Variants in KCNJ3 observed in about 807,000 individuals in gnomAD.
The protein encoded by KCNJ3 is G protein-activated inward rectifier potassium channel 1.
In KCNJ3, 4 loss-of-function variants were observed where a neutral mutation model predicts 39.2. The observed-to-expected ratio is 0.10, with a 90% CI of 0.05 to 0.23. The LOEUF (loss-of-function observed/expected upper bound fraction) is 0.23, where lower values mean the gene tolerates loss of function less well. Ranked by LOEUF, KCNJ3 falls within the 10% of genes least tolerant of loss-of-function variation. The pLI is 1.00. For missense variants in KCNJ3, 276 were observed against 634.9 expected, an observed-to-expected ratio of 0.43 and a Z score of 6.08; for synonymous variants, 230 against 237.4, an observed-to-expected ratio of 0.97 and a Z score of 0.29.
chr2:154,762,010 T>C (rs1041856284), intron 2 of KCNJ3, among the ~76,000 whole-genome samples: 4 of 151,960 alleles, frequency 2.6e-5, no homozygotes, highest in Non-Finnish European at 5.9e-5. Context: ...ATGATGGAAG[T>C]AGAGAATAGA....
intron 2 of KCNJ3, among the ~76,000 whole-genome samples, chr2:154,748,324 G>A (rs189751605): frequency 5.3e-5 from 8 of 152,060 alleles, no homozygotes; most frequent in African/African-American, 1.9e-4. Flanking sequence ...TAGGGATATA[G>A]TGGCCTTTCA....
intron 2 of KCNJ3, among the ~76,000 whole-genome samples, chr2:154,749,588 G>A (rs2349437): frequency 0.41 from 61,674 of 151,772 alleles, 13,863 homozygotes; most frequent in Non-Finnish European, 0.49. Context: ...TGCATTTTGC[G>A]CTTTCCTTTA....
At chr2:154,846,781 T>C (rs202138845) in intron 2 of KCNJ3, among the ~76,000 whole-genome samples, 7 of 96,732 alleles carry the variant, frequency 7.2e-5, no homozygotes, top group African/African-American at 1.3e-4. Context: ...TAAAAATCTA[T>C]TATTTCTTCT....
At chr2:154,813,350 G>T (rs1195933307) in intron 2 of KCNJ3, among the ~76,000 whole-genome samples, 1 of 151,954 alleles carries the variant, frequency 6.6e-6, no homozygotes, top group Non-Finnish European at 1.5e-5. Context: ...TGTTGTTAAT[G>T]GTACCCTGAG....
rs535735919 is a variant in KCNJ3 at position 154,745,140 on chromosome 2, A to C, written c.919+35321A>C. Among the ~76,000 whole-genome samples the C allele has an allele frequency of 3.9e-5, 6 of 152,070 alleles. No individual in the cohort carries two copies. The South Asian group carries it at 1.0e-3, about 26-fold the overall frequency. ...TTTGCTGAGGCTTGTTCTATGGTCC[A>C]GTATAGGCCCTATCTTGATACATGC... On this transcript the variant is annotated intron_variant, in intron 2 of 2. Coordinates refer to ENST00000295101, the MANE Select transcript of KCNJ3 (RefSeq NM_002239.4).
intron 2 of KCNJ3, among the ~76,000 whole-genome samples, chr2:154,787,322 C>T (rs1686548363): frequency 6.6e-6 from 1 of 151,356 alleles, no homozygotes; most frequent in Admixed American, 6.6e-5. Flanking sequence ...AATTTTCAGT[C>T]TTTTTTTTTC....
intron 2 of KCNJ3, among the ~76,000 whole-genome samples, chr2:154,728,627 AGC>A (rs1370946057): frequency 6.6e-6 from 1 of 152,204 alleles, no homozygotes; most frequent in African/African-American, 2.4e-5. Flanking sequence ...AAAAGAATGT[AGC>A]ATGTGATATT....
chr2:154,806,896 T>C (rs1284431202), intron 2 of KCNJ3, among the ~76,000 whole-genome samples: 2 of 152,190 alleles, frequency 1.3e-5, no homozygotes, highest in African/African-American at 4.8e-5. Context: ...CTAATCCAGG[T>C]ACACCAGGGT....
intron 2 of KCNJ3, among the ~76,000 whole-genome samples, chr2:154,737,080 T>C (rs908529251): frequency 3.3e-5 from 5 of 152,170 alleles, no homozygotes; most frequent in Admixed American, 1.3e-4. Flanking sequence ...CTCATGTCCA[T>C]GAATGAGGAC....
chr2:154,833,026 G>C (rs987548833), intron 2 of KCNJ3, among the ~76,000 whole-genome samples: 20 of 152,198 alleles, frequency 1.3e-4, no homozygotes, highest in South Asian at 6.2e-4. Context: ...ACCCTTAAAG[G>C]CATTGTTTTT....
intron 2 of KCNJ3, among the ~76,000 whole-genome samples, chr2:154,818,918 C>CTTTTTTTTTTTTT (rs57668487): frequency 4.2e-4 from 22 of 52,436 alleles, no homozygotes; most frequent in Non-Finnish European, 4.7e-4. Context: ...CTGCAAAAGC[C>CTTTTTTTTTTTTT]TTTTTTTTTT....
At chr2:154,732,489 T>G (rs2105168322) in intron 2 of KCNJ3, among the ~76,000 whole-genome samples, 1 of 152,178 alleles carries the variant, frequency 6.6e-6, no homozygotes, top group East Asian at 1.9e-4. Flanking sequence ...GGAAAAAGAC[T>G]CAAAAGGCTT....
chr2:154,835,280 A>G (rs1435296665), intron 2 of KCNJ3, among the ~76,000 whole-genome samples: 3 of 151,790 alleles, frequency 2.0e-5, no homozygotes, highest in African/African-American at 7.3e-5. Context: ...TAATTTTTGA[A>G]ATGCTTATTA....
intron 2 of KCNJ3, among the ~76,000 whole-genome samples, chr2:154,774,900 C>CT (rs1177046842): frequency 1.4e-5 from 2 of 141,034 alleles, no homozygotes; most frequent in African/African-American, 2.7e-5. Flanking sequence ...TAACTTTTCT[C>CT]TTTTTTTGTT....
intron 2 of KCNJ3, among the ~76,000 whole-genome samples, chr2:154,725,551 A>T (rs544696644): frequency 6.6e-6 from 1 of 152,170 alleles, no homozygotes; most frequent in East Asian, 1.9e-4. Context: ...GAAATATTTG[A>T]TAATTTTCCT....
chr2:154,728,239 C>T (rs965231529), intron 2 of KCNJ3, among the ~76,000 whole-genome samples: 9 of 151,952 alleles, frequency 5.9e-5, no homozygotes, highest in African/African-American at 1.9e-4. Flanking sequence ...TGGTTATAGC[C>T]GGTAAAATTA....
At chr2:154,749,617 T>G (rs1685804074) in intron 2 of KCNJ3, among the ~76,000 whole-genome samples, 1 of 152,124 alleles carries the variant, frequency 6.6e-6, no homozygotes, top group Non-Finnish European at 1.5e-5. Context: ...TGTGTTTGGC[T>G]TCTGGTTCGA....
At chr2:154,708,303 C>T (rs564266773) in intron 1 of KCNJ3, among the ~76,000 whole-genome samples, 1 of 152,244 alleles carries the variant, frequency 6.6e-6, no homozygotes, top group Non-Finnish European at 1.5e-5. Context: ...ATTTGGAACC[C>T]TTCATTCTGT....
At position 154,818,346 on chromosome 2, in the gene KCNJ3, GT is replaced by G. The variant is rs146655494; in HGVS notation, c.920-36372del. 3.3e-5 allele frequency among the ~76,000 whole-genome samples: 5 copies of G among 151,374 alleles called. No individual in the cohort carries two copies. The East Asian group carries it at 5.8e-4, about 18-fold the overall frequency. On this transcript the variant is annotated intron_variant, in intron 2 of 2. Transcript: ENST00000295101. ...GGCTAGGGAGGGAAACTAGATACAT[GT>G]TTTTTTTTATTTTGACACAAACTAG...
Sources: gnomAD v4.1 joint callset for allele counts (sites outside exome capture counted in the v4.1 genomes callset) on GRCh38, gnomAD v4.1.1 for gene constraint, MANE v1.5 for transcripts, NCBI Gene and HGNC (gene_info 2026-07-23, HGNC 2026-07-21) for gene names.